SLC38A9: variants seen among roughly 807,000 people sequenced by gnomAD.
SLC38A9 encodes the protein solute carrier family 38 member 9.
In SLC38A9, 48 loss-of-function variants were observed where a neutral mutation model predicts 62.3. The ratio of observed to expected loss-of-function variants is 0.77; its 90% CI spans 0.61 to 0.98. SLC38A9 has a LOEUF of 0.98. Ranked by LOEUF, SLC38A9 falls within the 50% of genes least tolerant of loss-of-function variation. The probability of loss-of-function intolerance (pLI) is 0.00; values close to 1 mark genes in which losing one functional copy is unlikely to be tolerated. For missense variants in SLC38A9, 541 were observed against 679.8 expected, an observed-to-expected ratio of 0.80 and a Z score of 2.27; for synonymous variants, 204 against 227.7, an observed-to-expected ratio of 0.90 and a Z score of 0.94.
intron 2 of SLC38A9, among the ~76,000 whole-genome samples, chr5:55,705,455 A>C (rs1273024728): frequency 6.6e-6 from 1 of 150,386 alleles, no homozygotes; most frequent in Non-Finnish European, 1.5e-5. Flanking sequence ...AAAAAAAGAA[A>C]GAAAGAAAGA....
intron 8 of SLC38A9, among the ~76,000 whole-genome samples, chr5:55,659,508 C>T (rs1022746446): frequency 2.6e-5 from 4 of 151,474 alleles, no homozygotes; most frequent in African/African-American, 9.7e-5. Context: ...CTGCCTCAGC[C>T]TCCTGAGTAG....
chr5:55,693,863 C>A lies in SLC38A9; in HGVS notation c.113+3983G>T, dbSNP rs191509658. 3.7e-4 allele frequency among the ~76,000 whole-genome samples: 56 copies of A among 152,058 alleles called. 1 individual carries two copies. Among genetic ancestry groups the A allele is most frequent in the African/African-American group, 1.3e-3 (55 of 41,476 alleles). Reference sequence around the variant, plus strand: ...ATTGCTTGAGCCCTGGAGTTCAAGACCAGCCTGGCCAATAAAGTGAGATGC... The same window carrying A: ...ATTGCTTGAGCCCTGGAGTTCAAGAACAGCCTGGCCAATAAAGTGAGATGC... On this transcript the variant is annotated intron_variant, in intron 3 of 15. Transcript: ENST00000396865.
At chr5:55,652,797 C>G in intron 9 of SLC38A9, 74 bp from the exon 10 acceptor site, 1 of 1,291,998 alleles carries the variant, frequency 7.7e-7, no homozygotes. Flanking sequence ...CAGAAAATGA[C>G]TGCCTCTAGA....
intron 2 of SLC38A9, among the ~76,000 whole-genome samples, chr5:55,709,691 G>A (rs1209137087): frequency 6.6e-6 from 1 of 152,030 alleles, no homozygotes; most frequent in Non-Finnish European, 1.5e-5. Context: ...AGTATTTAGA[G>A]TATTATAAAA....
chr5:55,702,375 C>T (rs1293600972), intron 2 of SLC38A9, among the ~76,000 whole-genome samples: 2 of 151,932 alleles, frequency 1.3e-5, no homozygotes, highest in African/African-American at 4.8e-5. Flanking sequence ...GATCCTCCCA[C>T]CTCAGCCTCC....
At chr5:55,672,486 G>A in intron 4 of SLC38A9, 77 bp downstream of exon 4, 1 of 1,506,250 alleles carries the variant, frequency 6.6e-7, no homozygotes, top group Non-Finnish European at 9.0e-7. Flanking sequence ...TTCAATCACT[G>A]GGAGGTGCCC....
intron 11 of SLC38A9, among the ~76,000 whole-genome samples, chr5:55,648,614 GA>G (rs1185204717): frequency 6.6e-6 from 1 of 151,938 alleles, no homozygotes; most frequent in Non-Finnish European, 1.5e-5. Context: ...AAATCAGTAT[GA>G]AAAAAACAGA....
chr5:55,681,783 G>A (rs1753048383), intron 3 of SLC38A9, among the ~76,000 whole-genome samples: 1 of 152,108 alleles, frequency 6.6e-6, no homozygotes, highest in Non-Finnish European at 1.5e-5. Context: ...TGCAGACCAG[G>A]GGTCGGTACA....
chr5:55,647,979 C>T (rs1460006387), intron 11 of SLC38A9, among the ~76,000 whole-genome samples: 1 of 152,148 alleles, frequency 6.6e-6, no homozygotes, highest in African/African-American at 2.4e-5. Context: ...GTGGCTCACA[C>T]CTGTAATCCC....
chr5:55,635,808 G>C (rs1744305592), intron 12 of SLC38A9, 151 bp from the exon 13 acceptor site: 1 of 588,574 alleles, frequency 1.7e-6, no homozygotes, highest in Non-Finnish European at 3.0e-6. Context: ...TTTGTTCACA[G>C]AAAGTAGTTA....
intron 2 of SLC38A9, among the ~76,000 whole-genome samples, chr5:55,709,040 T>C (rs932663085): frequency 1.3e-5 from 2 of 152,238 alleles, no homozygotes; most frequent in African/African-American, 2.4e-5. Flanking sequence ...TAAACTCCAA[T>C]AACAAACTTA....
chr5:55,661,712 A>G (rs1206730597), intron 8 of SLC38A9, among the ~76,000 whole-genome samples: 1 of 152,138 alleles, frequency 6.6e-6, no homozygotes, highest in Non-Finnish European at 1.5e-5. Flanking sequence ...TTAAAATAAA[A>G]AACTTTTGAA....
intron 8 of SLC38A9, among the ~76,000 whole-genome samples, chr5:55,660,101 T>A (rs1749242104): frequency 6.8e-6 from 1 of 147,966 alleles, no homozygotes; most frequent in African/African-American, 2.6e-5. Flanking sequence ...TTCAGCAAGT[T>A]TGCTAGATTA....
chr5:55,677,673 A>C (rs1159359927), intron 3 of SLC38A9, among the ~76,000 whole-genome samples: 1 of 151,866 alleles, frequency 6.6e-6, no homozygotes, highest in Non-Finnish European at 1.5e-5. Flanking sequence ...CTAGGACTCC[A>C]GGTGTGCACC....
At chr5:55,681,635 G>A (rs1053187885) in intron 3 of SLC38A9, among the ~76,000 whole-genome samples, 1 of 152,130 alleles carries the variant, frequency 6.6e-6, no homozygotes, top group Non-Finnish European at 1.5e-5. Flanking sequence ...TTAGAACTGT[G>A]GGGGTAGACT....
intron 3 of SLC38A9, chr5:55,692,494 TTAAA>T (rs1422083394): frequency 1.2e-5 from 4 of 345,520 alleles, no homozygotes; most frequent in Non-Finnish European, 1.6e-5. Flanking sequence ...TTTTTTCTCA[TTAAA>T]TAGTTTGTTT....
intron 12 of SLC38A9, among the ~76,000 whole-genome samples, chr5:55,641,174 A>G (rs1745396756): frequency 6.6e-6 from 1 of 152,210 alleles, no homozygotes; most frequent in Non-Finnish European, 1.5e-5. Flanking sequence ...TGTCAAAAAT[A>G]TTGAGCTTAA....
chr5:55,635,238 G>A (rs1053581209), intron 13 of SLC38A9: 1 of 337,090 alleles, frequency 3.0e-6, no homozygotes, highest in Middle Eastern at 9.4e-4. Flanking sequence ...CCCACAAAAA[G>A]AGAAATATAT....
chr5:55,697,910 C>G lies in SLC38A9; in HGVS notation c.49G>C (p.Asp17His). 1 of 1,604,930 alleles carries G rather than the reference C, an allele frequency of 6.2e-7. No homozygotes were observed. The highest frequency in any genetic ancestry group is 8.5e-7 in the Non-Finnish European group (1 of 1,177,068). ...ATAGGTCCAGGATCTCTTTCATGAT[C>G]TACCTCAGAGGTGCCAAGATGCCTA... ...DSRHLGTSEV[D>H]HERDPGPMNI... Residue 17 changes from aspartate to histidine, a missense_variant, in exon 3 of 16, where the codon GAT becomes CAT. By Grantham distance (81) the Asp-to-His change is moderately conservative. Coordinates refer to ENST00000396865, the MANE Select transcript of SLC38A9 (RefSeq NM_173514.4).
Sources: gnomAD v4.1 joint callset for allele counts (sites outside exome capture counted in the v4.1 genomes callset) on GRCh38, gnomAD v4.1.1 for gene constraint, MANE v1.5 for transcripts, NCBI Gene and HGNC (gene_info 2026-07-23, HGNC 2026-07-21) for gene names.